ZMYM4: variants seen among roughly 807,000 people sequenced by gnomAD.
ZMYM4 encodes zinc finger MYM-type containing 4, also known as zinc finger MYM-type protein 4.
ZMYM4 carries 31 observed loss-of-function variants against 183.2 expected under a neutral mutation model. That is an observed-to-expected ratio of 0.17 (90% CI 0.13 to 0.23). The LOEUF (loss-of-function observed/expected upper bound fraction) is 0.23, where lower values mean the gene tolerates loss of function less well. ZMYM4 is among the 10% of genes least tolerant of loss of function. The probability of loss-of-function intolerance (pLI) is 1.00; values close to 1 mark genes in which losing one functional copy is unlikely to be tolerated. For missense variants in ZMYM4, 1,273 were observed against 1,840.3 expected (o/e 0.69, Z 5.64); for synonymous variants, 592 against 631.2 (o/e 0.94, Z 0.93).
At chr1:35,400,102 C>T (rs151220596) in intron 23 of ZMYM4, 3,593 of 123,796 alleles carry the variant, frequency 0.029, 200 homozygotes, top group East Asian at 0.25. Flanking sequence ...GAGATCAGGC[C>T]ACTACACTCC....
intron 9 of ZMYM4, among the ~76,000 whole-genome samples, chr1:35,382,891 A>G (rs1644497028): frequency 6.6e-6 from 1 of 152,208 alleles, no homozygotes. Context: ...TCTTTCCAGC[A>G]TGTGAGATTT....
At chr1:35,406,679 T>C (rs1645008243) in intron 25 of ZMYM4, among the ~76,000 whole-genome samples, 1 of 152,184 alleles carries the variant, frequency 6.6e-6, no homozygotes, top group Non-Finnish European at 1.5e-5. Flanking sequence ...ATATCTCTCT[T>C]ATATACCAGG....
intron 18 of ZMYM4, 56 bp downstream of exon 18, chr1:35,393,795 A>G: frequency 6.7e-7 from 1 of 1,498,664 alleles, no homozygotes; most frequent in Non-Finnish European, 9.0e-7. Context: ...GAAATGTAGG[A>G]TCTACTTACA....
chr1:35,346,765 C>T (rs1311870399), intron 2 of ZMYM4, among the ~76,000 whole-genome samples: 1 of 151,906 alleles, frequency 6.6e-6, no homozygotes, highest in East Asian at 1.9e-4. Context: ...ACCATAATGC[C>T]AGTTGTACTG....
intron 2 of ZMYM4, among the ~76,000 whole-genome samples, chr1:35,342,938 T>C (rs2148864401): frequency 6.6e-6 from 1 of 152,216 alleles, no homozygotes; most frequent in East Asian, 1.9e-4. Flanking sequence ...CGCCTCAGCC[T>C]CCCAAATTAC....
chr1:35,419,445 C>G, intron 29 of ZMYM4, 25 bp from the exon 30 acceptor site: 1 of 1,180,582 alleles, frequency 8.5e-7, no homozygotes, highest in Non-Finnish European at 1.2e-6. Flanking sequence ...TCTTTTTTCT[C>G]TTTTTTTTTT....
At position 35,389,873 on chromosome 1, in the gene ZMYM4, A is replaced by T; in HGVS notation, c.2437-75A>T. 8.1e-6 allele frequency: 12 copies of T among 1,487,928 alleles called. No individual in the cohort carries two copies. The highest frequency in any genetic ancestry group is 1.0e-5 in the Non-Finnish European group (11 of 1,101,906). 92.2% of individuals were successfully genotyped at this position (1,487,928 alleles called of 1,614,324 possible). On this transcript the variant is annotated intron_variant, in intron 14 of 29. Transcript: ENST00000314607. The surrounding 1 kb of genome is among the most constrained non-coding windows in gnomAD (Gnocchi z 4.0). ...TTCTAAGTTAATTTCGTCACTTGTTATGTGTGTCTTATTTTTATTTTGTCA... is the reference window on the plus strand; with the variant it reads ...TTCTAAGTTAATTTCGTCACTTGTTTTGTGTGTCTTATTTTTATTTTGTCA...
Position 35,359,395 on chromosome 1 carries a change from C to T in ZMYM4, c.556C>T (p.Pro186Ser). 1 of 1,584,298 alleles carries T rather than the reference C, an allele frequency of 6.3e-7. No individual in the cohort carries two copies. Among genetic ancestry groups the T allele is most frequent in the Non-Finnish European group, 8.5e-7 (1 of 1,172,058 alleles). ...TYEREKRLDK[P>S]HKDLDSRLKS... ...TGAACGTGAAAAACGGTTGGATAAA[C>T]CCCATAAAGATTTGGATTCAAGGTT... Residue 186 changes from proline (P) to serine (S), a missense_variant, in exon 3 of 30, where the codon CCC becomes TCC. Physicochemically the swap from Pro to Ser is moderately conservative, Grantham distance 74. Transcript: ENST00000314607.
chr1:35,276,182 A>G (rs988180522), intron 1 of ZMYM4, among the ~76,000 whole-genome samples: 5 of 152,056 alleles, frequency 3.3e-5, no homozygotes, highest in Non-Finnish European at 5.9e-5. Flanking sequence ...TGACATGCAT[A>G]TTATACATTT....
Position 35,396,526 on chromosome 1 carries a change from TG to T in ZMYM4, c.2912-25del, listed in dbSNP as rs1034673833. ...AGCATTTCTAACCCTCTTTGCTTTT[TG>T]TGATTTTGTTGTTGTTACTGTTAGA... On this transcript the variant is annotated intron_variant, in intron 18 of 29. Coordinates refer to ENST00000314607, the MANE Select transcript of ZMYM4 (RefSeq NM_005095.3). 9 of 1,609,820 alleles carry T rather than the reference TG, an allele frequency of 5.6e-6. No homozygotes were observed. In the African/African-American group the frequency reaches 1.2e-4, roughly 22 times the overall value.
chr1:35,316,495 T>G (rs957316833), intron 1 of ZMYM4, among the ~76,000 whole-genome samples: 1 of 152,238 alleles, frequency 6.6e-6, no homozygotes, highest in African/African-American at 2.4e-5. Flanking sequence ...ACTATGTAAT[T>G]AGCAGATGTC....
At chr1:35,371,488 G>T (rs1264154177) in intron 7 of ZMYM4, among the ~76,000 whole-genome samples, 3 of 152,060 alleles carry the variant, frequency 2.0e-5, no homozygotes, top group Admixed American at 1.3e-4. Context: ...CAAAAAAGGG[G>T]TATGATCTTA....
At chr1:35,322,978 C>T (rs74526321) in intron 1 of ZMYM4, among the ~76,000 whole-genome samples, 2 of 151,540 alleles carry the variant, frequency 1.3e-5, no homozygotes, top group East Asian at 1.9e-4. Context: ...GCGTGAGTCA[C>T]CACGCCTGGC....
chr1:35,300,994 A>C (rs1057308995), intron 1 of ZMYM4, among the ~76,000 whole-genome samples: 6 of 152,000 alleles, frequency 3.9e-5, no homozygotes, highest in Admixed American at 3.9e-4. Context: ...GCAGGACTTA[A>C]AAAAAAATTC....
At chr1:35,415,385 CCT>C (rs1450558789) in intron 27 of ZMYM4, 79 bp from the exon 28 acceptor site, 8 of 1,552,244 alleles carry the variant, frequency 5.2e-6, no homozygotes, top group Non-Finnish European at 6.1e-6. Context: ...TTTATATCTC[CCT>C]GTCTTAGAAT....
rs144156422 is a variant in ZMYM4 at position 35,270,379 on chromosome 1, A to G, written c.39+1294A>G. On this transcript the variant is annotated intron_variant, in intron 1 of 29. Coordinates refer to ENST00000314607, the MANE Select transcript of ZMYM4 (RefSeq NM_005095.3). Reference sequence around the variant, plus strand: ...CAAGTATTATTTTTTCCAACAATTTATTAGGAAAATATTTTGAACTATCCG... The same window carrying G: ...CAAGTATTATTTTTTCCAACAATTTGTTAGGAAAATATTTTGAACTATCCG... 1.8e-3 allele frequency among the ~76,000 whole-genome samples: 271 copies of G among 152,358 alleles called. 1 individual carries two copies. Among genetic ancestry groups the G allele is most frequent in the Middle Eastern group, 6.8e-3 (2 of 294 alleles).
At chr1:35,392,744 A>G in intron 17 of ZMYM4, 60 bp downstream of exon 17, 1 of 1,322,852 alleles carries the variant, frequency 7.6e-7, no homozygotes, top group Non-Finnish European at 1.0e-6. Context: ...TTCATACAGT[A>G]TAAATATGTG....
intron 2 of ZMYM4, among the ~76,000 whole-genome samples, chr1:35,353,782 A>T (rs375665589): frequency 6.6e-6 from 1 of 152,350 alleles, no homozygotes. Flanking sequence ...ATTGCATAAG[A>T]TTTTATGCAG....
chr1:35,321,835 T>A (rs1642293666), intron 1 of ZMYM4, among the ~76,000 whole-genome samples: 1 of 152,032 alleles, frequency 6.6e-6, no homozygotes, highest in Non-Finnish European at 1.5e-5. Flanking sequence ...AAATATTTAA[T>A]TTTTTTAACC....
Sources: allele counts gnomAD v4.1 joint callset (sites outside exome capture counted in the v4.1 genomes callset), GRCh38; gene constraint gnomAD v4.1.1; non-coding constraint Gnocchi (gnomAD v3.1); transcripts MANE v1.5; gene names NCBI Gene and HGNC (gene_info 2026-07-23, HGNC 2026-07-21).